NIPBL: variants seen among roughly 807,000 people sequenced by gnomAD.
NIPBL encodes the protein nipped-B-like protein.
A neutral mutation model predicts 321.8 loss-of-function variants in NIPBL; 19 were observed. The observed-to-expected ratio is 0.06, with a 90% CI of 0.04 to 0.09. The LOEUF is 0.09. NIPBL is among the 10% of genes least tolerant of loss of function. The pLI, the probability that NIPBL is intolerant of heterozygous loss-of-function variation, is 1.00. For synonymous variants in NIPBL, 1,106 were observed against 1,114.1 expected, an observed-to-expected ratio of 0.99 and a Z score of 0.14; for missense variants, 2,210 against 3,327.0, an observed-to-expected ratio of 0.66 and a Z score of 8.26.
chr5:36,911,350 A>G (rs976740302), intron 1 of NIPBL, among the ~76,000 whole-genome samples: 5 of 152,206 alleles, frequency 3.3e-5, no homozygotes, highest in Non-Finnish European at 7.4e-5. Context: ...GTTACCTTAA[A>G]GAAAGTGAGT....
At chr5:37,057,617 C>T (rs1754243955) in intron 43 of NIPBL, among the ~76,000 whole-genome samples, 1 of 152,114 alleles carries the variant, frequency 6.6e-6, no homozygotes, top group East Asian at 1.9e-4. Context: ...TGCATCCATT[C>T]ATACATTCAT....
chr5:36,901,707 C>G (rs1747239220), intron 1 of NIPBL, among the ~76,000 whole-genome samples: 1 of 151,964 alleles, frequency 6.6e-6, no homozygotes, highest in African/African-American at 2.4e-5. Context: ...GGGGGTTTCC[C>G]CATGTTGGTC....
At chr5:36,914,517 A>G (rs942878243) in intron 1 of NIPBL, among the ~76,000 whole-genome samples, 45 of 152,234 alleles carry the variant, frequency 3.0e-4, no homozygotes, top group Admixed American at 7.2e-4. Flanking sequence ...TTTAATGCGC[A>G]AAAGTATTAG....
chr5:36,953,105 G>A (rs1382958289), intron 1 of NIPBL, among the ~76,000 whole-genome samples: 1 of 152,124 alleles, frequency 6.6e-6, no homozygotes, highest in Admixed American at 6.6e-5. Flanking sequence ...GGGAGATTTG[G>A]GAGAATCTGA....
At chr5:36,922,207 A>G (rs2149560047) in intron 1 of NIPBL, among the ~76,000 whole-genome samples, 1 of 152,076 alleles carries the variant, frequency 6.6e-6, no homozygotes, top group Non-Finnish European at 1.5e-5. Flanking sequence ...TTTTTCTTAA[A>G]AATATGTTAC....
chr5:37,001,903 G>A (rs992784353), intron 14 of NIPBL, among the ~76,000 whole-genome samples: 1 of 152,070 alleles, frequency 6.6e-6, no homozygotes, highest in Non-Finnish European at 1.5e-5. Flanking sequence ...AGAATTACTT[G>A]CCTGAGTATC....
At chr5:37,012,710 A>G (rs1748314724) in intron 21 of NIPBL, among the ~76,000 whole-genome samples, 1 of 152,134 alleles carries the variant, frequency 6.6e-6, no homozygotes, top group African/African-American at 2.4e-5. Flanking sequence ...TTAACAAAGC[A>G]CATCTTGCAC....
intron 1 of NIPBL, among the ~76,000 whole-genome samples, chr5:36,952,085 TA>T (rs1561070644): frequency 4.6e-4 from 67 of 146,090 alleles, no homozygotes; most frequent in African/African-American, 1.7e-3. Flanking sequence ...TGTGTGTGTG[TA>T]GCAGTTTAAT....
chr5:36,885,167 A>G (rs1306368894), intron 1 of NIPBL: 1 of 490,740 alleles, frequency 2.0e-6, no homozygotes, highest in African/African-American at 2.0e-5. Context: ...GGGTCAGCAA[A>G]GCCTGAGTCC....
chr5:36,905,104 G>C (rs977894178), intron 1 of NIPBL, among the ~76,000 whole-genome samples: 6 of 152,164 alleles, frequency 3.9e-5, no homozygotes, highest in African/African-American at 1.2e-4. Context: ...TTGGTTGGTT[G>C]GTTGGTTTTA....
intron 19 of NIPBL, 109 bp downstream of exon 19, chr5:37,008,197 T>G (rs1747670438): frequency 1.4e-6 from 1 of 723,558 alleles, no homozygotes; most frequent in Non-Finnish European, 2.5e-6. Flanking sequence ...TTCAGTACAT[T>G]CATTTCAATC....
intron 1 of NIPBL, among the ~76,000 whole-genome samples, chr5:36,879,152 G>A (rs1745323153): frequency 1.3e-5 from 2 of 152,076 alleles, no homozygotes; most frequent in Non-Finnish European, 2.9e-5. Context: ...TTATTTCAAG[G>A]GATAAACATA....
chr5:37,000,696 G>GTGCACA, intron 12 of NIPBL, 121 bp from the exon 13 acceptor site: 1 of 1,267,510 alleles, frequency 7.9e-7, no homozygotes, highest in East Asian at 2.5e-5. Flanking sequence ...AAAATACTTA[G>GTGCACA]TTTCTATGTG....
At chr5:36,912,633 C>G (rs949419000) in intron 1 of NIPBL, among the ~76,000 whole-genome samples, 1 of 151,634 alleles carries the variant, frequency 6.6e-6, no homozygotes, top group Non-Finnish European at 1.5e-5. Flanking sequence ...TCCTGAGTAG[C>G]TGGGATTACA....
intron 1 of NIPBL, among the ~76,000 whole-genome samples, chr5:36,921,296 A>G (rs534123365): frequency 1.3e-5 from 2 of 152,330 alleles, no homozygotes; most frequent in East Asian, 3.9e-4. Context: ...GTAAAAATCT[A>G]TGATGAAATC....
intron 39 of NIPBL, 33 bp downstream of exon 39, chr5:37,048,708 T>C: frequency 1.4e-6 from 2 of 1,442,928 alleles, no homozygotes; most frequent in Non-Finnish European, 1.9e-6. Flanking sequence ...ATTTCATAGC[T>C]ACATTTATAT....
chr5:37,025,277 G>C (rs921352213), intron 30 of NIPBL, among the ~76,000 whole-genome samples: 2 of 152,088 alleles, frequency 1.3e-5, no homozygotes, highest in East Asian at 1.9e-4. Flanking sequence ...TGTGTTGATT[G>C]ATTTATTGAT....
At chr5:36,961,461 C>G (rs1367779662) in intron 4 of NIPBL, 23 bp from the exon 5 acceptor site, 1 of 1,331,070 alleles carries the variant, frequency 7.5e-7, no homozygotes, top group East Asian at 2.3e-5. Flanking sequence ...AAATAACGTT[C>G]TGTATTTTTG....
chr5:36,998,874 T>G (rs1380842962), intron 11 of NIPBL, among the ~76,000 whole-genome samples: 4 of 152,184 alleles, frequency 2.6e-5, no homozygotes, highest in Admixed American at 2.6e-4. Flanking sequence ...GGAACAGTCC[T>G]ATCACTCTTC....
Sources: allele counts gnomAD v4.1 joint callset (sites outside exome capture counted in the v4.1 genomes callset), GRCh38; gene constraint gnomAD v4.1.1; transcripts MANE v1.5; gene names NCBI Gene and HGNC (gene_info 2026-07-23, HGNC 2026-07-21).